SHPK: variants seen among roughly 807,000 people sequenced by gnomAD.
The protein encoded by SHPK is carbohydrate kinase-like protein.
In SHPK, 51 loss-of-function variants were observed where a neutral mutation model predicts 46.3. The ratio of observed to expected loss-of-function variants is 1.10; its 90% CI spans 0.88 to 1.39. The LOEUF (loss-of-function observed/expected upper bound fraction) is 1.39, where lower values mean the gene tolerates loss of function less well. SHPK is among the 40% of genes most tolerant of loss of function. SHPK has a pLI of 0.00. For synonymous variants in SHPK, 290 were observed against 273.9 expected, an observed-to-expected ratio of 1.06 and a Z score of -0.58; for missense variants, 668 against 641.3, an observed-to-expected ratio of 1.04 and a Z score of -0.45.
At chr17:3,627,423 C>CT (rs1302698129) in intron 2 of SHPK, among the ~76,000 whole-genome samples, 1 of 151,870 alleles carries the variant, frequency 6.6e-6, no homozygotes, top group Non-Finnish European at 1.5e-5. Flanking sequence ...TCTGTGTTGA[C>CT]TGTGTTTTGG....
intron 1 of SHPK, among the ~76,000 whole-genome samples, chr17:3,634,507 G>A (rs983777421): frequency 1.3e-5 from 2 of 149,604 alleles, no homozygotes; most frequent in African/African-American, 4.9e-5. Flanking sequence ...GGGAGGCAGA[G>A]GTTTCAGTGA....
chr17:3,631,539 T>TTTTTTA (rs1555555401), intron 1 of SHPK, among the ~76,000 whole-genome samples: 2 of 127,536 alleles, frequency 1.6e-5, no homozygotes, highest in Non-Finnish European at 3.4e-5. Flanking sequence ...TTTTTTTTTT[T>TTTTTTA]AGCGATAGAG....
chr17:3,616,588 T>G (rs2075372615), intron 5 of SHPK, among the ~76,000 whole-genome samples: 1 of 152,194 alleles, frequency 6.6e-6, no homozygotes, highest in African/African-American at 2.4e-5. Flanking sequence ...TTTAGGCTAC[T>G]ATGTATTAGG....
chr17:3,628,812 C>A (rs1258229418), intron 2 of SHPK, among the ~76,000 whole-genome samples: 1 of 152,108 alleles, frequency 6.6e-6, no homozygotes, highest in African/African-American at 2.4e-5. Context: ...CCACACCCAA[C>A]TTATTTTTGC....
At chr17:3,631,789 T>C (rs2075474070) in intron 1 of SHPK, among the ~76,000 whole-genome samples, 1 of 151,924 alleles carries the variant, frequency 6.6e-6, no homozygotes. Context: ...CCCAAAGTGC[T>C]GGGATTACAG....
At chr17:3,624,329 C>A in intron 2 of SHPK, 98 bp from the exon 3 acceptor site, 1 of 1,126,484 alleles carries the variant, frequency 8.9e-7, no homozygotes, top group Non-Finnish European at 1.3e-6. Flanking sequence ...AAAATATGTG[C>A]GAATCGTCCC....
At chr17:3,611,159 C>G (rs1404252594) in intron 6 of SHPK, among the ~76,000 whole-genome samples, 187 bp from the exon 7 acceptor site, 1 of 152,246 alleles carries the variant, frequency 6.6e-6, no homozygotes, top group Non-Finnish European at 1.5e-5. Flanking sequence ...TCCCCGCCCG[C>G]TGTCTCAGTG....
rs1567688970 is a variant in SHPK at position 3,635,243 on chromosome 17, A to AAGGAAGGAAGGAAGGG, written c.168+808_168+809insCCCTTCCTTCCTTCCT. ...GAAGGAAGGAAGGAAGGAAGGAAGGAAGGGAAGGAAGGGAAGGAGTCTCGC... is the reference window on the plus strand; with the variant it reads ...GAAGGAAGGAAGGAAGGAAGGAAGGAAGGAAGGAAGGAAGGGAGGGAAGGAAGGGAAGGAGTCTCGC... On this transcript the variant is annotated intron_variant, in intron 1 of 6. Coordinates refer to ENST00000225519, the MANE Select transcript of SHPK (RefSeq NM_013276.4). Among the ~76,000 whole-genome samples the AAGGAAGGAAGGAAGGG allele has an allele frequency of 9.4e-4, 138 of 147,060 alleles. 1 individual carries two copies. Among genetic ancestry groups the AAGGAAGGAAGGAAGGG allele is most frequent in the Middle Eastern group, 3.5e-3 (1 of 288 alleles).
At position 3,610,770 on chromosome 17, in the gene SHPK, GT is replaced by G. The variant is rs772101627; in HGVS notation, c.1226del (p.Asn409ThrfsTer19). 4.0e-5 allele frequency: 64 copies of G among 1,614,016 alleles called. No homozygotes were observed. The highest frequency in any genetic ancestry group is 5.3e-5 in the Non-Finnish European group (63 of 1,180,018). On this transcript the variant is annotated frameshift_variant, in exon 7 of 7. Coordinates refer to ENST00000225519, the MANE Select transcript of SHPK (RefSeq NM_013276.4). LOFTEE classifies it high-confidence loss of function. ...GCTGAATCGGAAGCATGGAGTGCAGGTTCTGAACAATGCCTCGGCACAGAGC... is the reference window on the plus strand; with the variant it reads ...GCTGAATCGGAAGCATGGAGTGCAGGTCTGAACAATGCCTCGGCACAGAGC... ...TRALCRGIVQ[N>X]LHSMLPIQQL... is the part of the protein sequence containing the mutation.
chr17:3,624,022 C>G (rs2075418119), intron 3 of SHPK, 26 bp downstream of exon 3: 1 of 1,581,108 alleles, frequency 6.3e-7, no homozygotes. Context: ...AACCCAGCAC[C>G]CGAGTGAAAG....
At chr17:3,612,831 A>G (rs2075348281) in intron 6 of SHPK, among the ~76,000 whole-genome samples, 1 of 150,962 alleles carries the variant, frequency 6.6e-6, no homozygotes, top group African/African-American at 2.4e-5. Flanking sequence ...GGCTCACTGC[A>G]ACCTCTGCCT....
chr17:3,616,046 G>T (rs756602891), intron 5 of SHPK, among the ~76,000 whole-genome samples: 2 of 151,878 alleles, frequency 1.3e-5, no homozygotes, highest in Non-Finnish European at 2.9e-5. Context: ...TAGAGATGGG[G>T]TTTCACCATC....
intron 2 of SHPK, among the ~76,000 whole-genome samples, chr17:3,628,146 G>T (rs2075449116): frequency 6.6e-6 from 1 of 152,020 alleles, no homozygotes; most frequent in Non-Finnish European, 1.5e-5. Context: ...ATGTAGAGAG[G>T]GATGAATCCA....
At chr17:3,635,647 A>C (rs1471222262) in intron 1 of SHPK, among the ~76,000 whole-genome samples, 1 of 152,210 alleles carries the variant, frequency 6.6e-6, no homozygotes, top group Non-Finnish European at 1.5e-5. Context: ...CCTGGGCAAC[A>C]AACTGAATCC....
intron 5 of SHPK, chr17:3,619,202 C>T: frequency 2.1e-6 from 1 of 485,654 alleles, no homozygotes; most frequent in Non-Finnish European, 3.8e-6. Flanking sequence ...TGCCTTCAGC[C>T]TACGTTGCAG....
At chr17:3,626,721 CAAAAA>C (rs59861502) in intron 2 of SHPK, among the ~76,000 whole-genome samples, 7 of 106,888 alleles carry the variant, frequency 6.5e-5, no homozygotes, top group Admixed American at 1.1e-4. Flanking sequence ...GACTCCATCT[CAAAAA>C]AAAAAAAAAA....
chr17:3,621,520 T>C, intron 4 of SHPK, 108 bp from the exon 5 acceptor site: 1 of 940,544 alleles, frequency 1.1e-6, no homozygotes, highest in Non-Finnish European at 1.6e-6. Flanking sequence ...CCCTCCCTTC[T>C]TCCTTTCCTT....
chr17:3,630,473 G>T, intron 1 of SHPK, 127 bp from the exon 2 acceptor site: 3 of 977,798 alleles, frequency 3.1e-6, no homozygotes, highest in South Asian at 1.7e-5. Context: ...CACAGTTGAG[G>T]CACTGCTGCA....
intron 5 of SHPK, among the ~76,000 whole-genome samples, chr17:3,616,385 C>A (rs1045629529): frequency 1.4e-4 from 21 of 152,256 alleles, no homozygotes; most frequent in Middle Eastern, 3.4e-3. Context: ...ACCTCACGTG[C>A]CAGGGAACTG....
Sources: gnomAD v4.1 joint callset for allele counts (sites outside exome capture counted in the v4.1 genomes callset) on GRCh38, gnomAD v4.1.1 for gene constraint, MANE v1.5 for transcripts, NCBI Gene and HGNC (gene_info 2026-07-23, HGNC 2026-07-21) for gene names.